RARB: variants seen among roughly 807,000 people sequenced by gnomAD.
RARB encodes retinoic acid receptor beta, also known as HBV-activated protein.
Under a neutral mutation model 51.9 loss-of-function variants are expected in RARB, and 17 were observed. The observed-to-expected ratio is 0.33, with a 90% CI of 0.22 to 0.49. RARB has a LOEUF of 0.49. RARB is among the 20% of genes least tolerant of loss of function. The pLI, the probability that RARB is intolerant of heterozygous loss-of-function variation, is 0.99. For synonymous variants in RARB, 215 were observed against 195.4 expected, an observed-to-expected ratio of 1.10 and a Z score of -0.84; for missense variants, 369 against 550.8, an observed-to-expected ratio of 0.67 and a Z score of 3.30.
chr3:25,167,264 A>G (rs932963726), intron 4 of RARB, among the ~76,000 whole-genome samples: 1 of 152,236 alleles, frequency 6.6e-6, no homozygotes, highest in Non-Finnish European at 1.5e-5. Flanking sequence ...AATATAATGG[A>G]TTAAAAGACG....
At chr3:25,229,394 CA>C (rs1487280614) in intron 5 of RARB, among the ~76,000 whole-genome samples, 5 of 151,944 alleles carry the variant, frequency 3.3e-5, no homozygotes, top group Non-Finnish European at 5.9e-5. Flanking sequence ...TTGATAAGTA[CA>C]AAAAAGTTTT....
At chr3:24,865,741 C>T (rs1405280919) in intron 2 of RARB, among the ~76,000 whole-genome samples, 1 of 152,116 alleles carries the variant, frequency 6.6e-6, no homozygotes, top group East Asian at 1.9e-4. Flanking sequence ...TCTAAATTAA[C>T]ATTAAATTGA....
At chr3:24,938,285 A>T (rs1039219702) in intron 2 of RARB, among the ~76,000 whole-genome samples, 10 of 152,148 alleles carry the variant, frequency 6.6e-5, no homozygotes, top group African/African-American at 2.4e-4. Context: ...CCCACTTAAA[A>T]ACATCTCCAT....
At chr3:25,242,514 T>C (rs1702458056) in intron 5 of RARB, among the ~76,000 whole-genome samples, 1 of 152,220 alleles carries the variant, frequency 6.6e-6, no homozygotes, top group African/African-American at 2.4e-5. Flanking sequence ...AGTCTCAGTT[T>C]TCTGCATATG....
intron 5 of RARB, among the ~76,000 whole-genome samples, chr3:25,309,058 G>A (rs865805774): frequency 6.7e-6 from 1 of 150,166 alleles, no homozygotes; most frequent in African/African-American, 2.5e-5. Context: ...TTGATCTGTA[G>A]AAAAGTACCT....
chr3:25,470,143 G>C (rs1695615686), intron 2 of RARB, among the ~76,000 whole-genome samples: 1 of 152,136 alleles, frequency 6.6e-6, no homozygotes, highest in Non-Finnish European at 1.5e-5. Flanking sequence ...TACCTGGTTT[G>C]TTTAAAAATT....
At chr3:25,002,875 G>A (rs975751925) in intron 2 of RARB, among the ~76,000 whole-genome samples, 1 of 151,998 alleles carries the variant, frequency 6.6e-6, no homozygotes, top group African/African-American at 2.4e-5. Context: ...GATCAATTGA[G>A]TTTATATATA....
intron 4 of RARB, among the ~76,000 whole-genome samples, chr3:25,162,281 T>C (rs1700486056): frequency 6.6e-6 from 1 of 152,094 alleles, no homozygotes; most frequent in Admixed American, 6.6e-5. Context: ...ATTTTTTATT[T>C]TTATTTTTGT....
intron 2 of RARB, among the ~76,000 whole-genome samples, chr3:25,500,862 G>A (rs1488908994): frequency 2.0e-5 from 3 of 151,992 alleles, no homozygotes; most frequent in Non-Finnish European, 4.4e-5. Flanking sequence ...CGTCAGCAAG[G>A]GAGCCAGTTA....
chr3:25,019,323 T>A (rs1444479808), intron 2 of RARB, among the ~76,000 whole-genome samples: 1 of 152,174 alleles, frequency 6.6e-6, no homozygotes, highest in African/African-American at 2.4e-5. Context: ...AAAGCCAGTA[T>A]GGTTGTTAGA....
At chr3:25,481,226 C>A (rs1864909) in intron 2 of RARB, among the ~76,000 whole-genome samples, 18,963 of 152,050 alleles carry the variant, frequency 0.12, 1,710 homozygotes, top group African/African-American at 0.25. Flanking sequence ...TATTTTAAAT[C>A]TATTCTTTAA....
chr3:25,264,046 T>C (rs1000219947), intron 5 of RARB, among the ~76,000 whole-genome samples: 29 of 152,060 alleles, frequency 1.9e-4, no homozygotes, highest in Admixed American at 1.3e-4. Flanking sequence ...CCCATGCTCA[T>C]ATCAGCAGTT....
intron 4 of RARB, among the ~76,000 whole-genome samples, chr3:25,156,562 T>C (rs954153178): frequency 6.3e-5 from 9 of 143,098 alleles, no homozygotes; most frequent in Non-Finnish European, 1.2e-4. Context: ...GTTAGACTTT[T>C]CACTTAATTT....
At chr3:25,048,752 C>CTTT (rs34598308) in intron 2 of RARB, among the ~76,000 whole-genome samples, 2,575 of 108,278 alleles carry the variant, frequency 0.024, 141 homozygotes, top group African/African-American at 0.041. Flanking sequence ...ATTAAGCCCA[C>CTTT]TTTTTTTTTT....
intron 5 of RARB, among the ~76,000 whole-genome samples, chr3:25,299,991 A>G (rs928564836): frequency 2.0e-5 from 3 of 152,186 alleles, no homozygotes; most frequent in Non-Finnish European, 4.4e-5. Flanking sequence ...TATGTGTTAA[A>G]TTGATTTTTT....
intron 5 of RARB, among the ~76,000 whole-genome samples, chr3:25,418,632 G>A (rs1707772674): frequency 6.6e-6 from 1 of 152,110 alleles, no homozygotes. Flanking sequence ...AATGACACTT[G>A]TTAAAGGTGG....
intron 5 of RARB, among the ~76,000 whole-genome samples, chr3:25,293,952 C>G (rs1190438237): frequency 6.6e-6 from 1 of 152,188 alleles, no homozygotes; most frequent in Non-Finnish European, 1.5e-5. Flanking sequence ...GCACCCTTCT[C>G]ATTTGTTCTA....
intron 2 of RARB, among the ~76,000 whole-genome samples, chr3:24,904,952 G>C (rs914030219): frequency 3.9e-5 from 6 of 152,194 alleles, no homozygotes; most frequent in Non-Finnish European, 5.9e-5. Context: ...CGTTAAGTGG[G>C]AGTTGAACAA....
chr3:25,239,503 T>A (rs565165715), intron 5 of RARB, among the ~76,000 whole-genome samples: 47 of 152,316 alleles, frequency 3.1e-4, no homozygotes, highest in African/African-American at 1.1e-3. Flanking sequence ...GGAGTCCATT[T>A]TATTCTTCTG....
Sources: allele counts gnomAD v4.1 joint callset (sites outside exome capture counted in the v4.1 genomes callset), GRCh38; gene constraint gnomAD v4.1.1; transcripts MANE v1.5; gene names NCBI Gene and HGNC (gene_info 2026-07-23, HGNC 2026-07-21).